The following ZSCAN25 variants were observed in gnomAD, a reference collection of about 807,000 sequenced individuals.
The protein encoded by ZSCAN25 is zinc finger and SCAN domain-containing protein 25.
A neutral mutation model predicts 38.7 loss-of-function variants in ZSCAN25; 27 were observed. That is an observed-to-expected ratio of 0.70 (90% CI 0.51 to 0.96). The LOEUF (loss-of-function observed/expected upper bound fraction) is 0.96, where lower values mean the gene tolerates loss of function less well. Ranked by LOEUF, ZSCAN25 falls within the 40% of genes least tolerant of loss-of-function variation. ZSCAN25 has a pLI of 0.00. For missense variants in ZSCAN25, 637 were observed against 705.9 expected (o/e 0.90, Z 1.11); for synonymous variants, 273 against 277.7 (o/e 0.98, Z 0.17).
chr7:99,624,187 C>CT lies in ZSCAN25; in HGVS notation c.805+8dup, dbSNP rs769320091. On this transcript the variant is annotated splice_region_variant and intron_variant, in intron 7 of 7. Coordinates refer to ENST00000394152, the MANE Select transcript of ZSCAN25 (RefSeq NM_145115.3). The stretch of plus-strand genomic sequence containing the variant: ...GACTGCAGGGTCTCTCCAGGTAAGA[C>CT]TGTCTCCACCCACAGGTGAGGAACT... The CT allele has an allele frequency of 6.8e-6, 11 of 1,613,218 alleles. No individual in the cohort carries two copies. In the Admixed American group the frequency reaches 1.8e-4, roughly 27 times the overall value.
At chr7:99,639,979 AT>A in the ZSCAN25 span, among the ~76,000 whole-genome samples, 1 of 152,124 alleles carries the variant, frequency 6.6e-6, no homozygotes, top group Non-Finnish European at 1.5e-5. Context: ...AGGTGGGAGG[AT>A]TGCTTGAGCC....
chr7:99,673,334 T>C, the ZSCAN25 span, among the ~76,000 whole-genome samples: 1 of 152,208 alleles, frequency 6.6e-6, no homozygotes, highest in Admixed American at 6.5e-5. Context: ...CTGCACCTCA[T>C]CCACTGCTCT....
the ZSCAN25 span, chr7:99,679,863 A>G: frequency 6.2e-7 from 1 of 1,614,152 alleles, no homozygotes; most frequent in South Asian, 1.1e-5. Context: ...AGGAGAAGCC[A>G]GGTTTCCACC....
intron 7 of ZSCAN25, among the ~76,000 whole-genome samples, chr7:99,625,657 TG>T (rs1807405304): frequency 6.6e-6 from 1 of 152,178 alleles, no homozygotes; most frequent in Admixed American, 6.5e-5. Context: ...GCCAGTGTCC[TG>T]GTGCCAGGGT....
At chr7:99,661,211 C>T in the ZSCAN25 span, among the ~76,000 whole-genome samples, 4 of 152,320 alleles carry the variant, frequency 2.6e-5, no homozygotes, top group South Asian at 8.3e-4. Flanking sequence ...AAGTGTGTTT[C>T]ATGGACCAGC....
the ZSCAN25 span, chr7:99,652,380 C>T: frequency 6.8e-5 from 34 of 501,510 alleles, no homozygotes; most frequent in South Asian, 1.1e-3. Context: ...GATGTAGTTT[C>T]GTTTTTTCTA....
chr7:99,718,231 C>G, the ZSCAN25 span, among the ~76,000 whole-genome samples: 1 of 151,994 alleles, frequency 6.6e-6, no homozygotes, highest in Non-Finnish European at 1.5e-5. Flanking sequence ...ATGTAACAAA[C>G]CTGCACGTTG....
intron 3 of ZSCAN25, among the ~76,000 whole-genome samples, chr7:99,619,339 G>T (rs1187631632): frequency 6.6e-6 from 1 of 152,176 alleles, no homozygotes; most frequent in Non-Finnish European, 1.5e-5. Flanking sequence ...TTATTTGTGG[G>T]TATAAAAGCA....
In ZSCAN25 at chr7:99,622,568, G is replaced by A. The variant is rs759540504; in HGVS notation, c.609G>A (p.Ala203=). Residue 203 remains alanine (A), a synonymous_variant, in exon 6 of 8, where the codon GCG becomes GCA. Transcript: ENST00000394152. The part of the protein sequence containing the change: ...FQEQALPVLQ[A]GPGLPAVNPR... ...GCTCAGCACTACCTGTTCTGCAGGC[G>A]GGTCCTGGCCTCCCCGCAGTGAATC... is the stretch of plus-strand genomic sequence containing the variant. 9.3e-6 allele frequency: 15 copies of A among 1,613,984 alleles called. No homozygotes were observed. The highest frequency in any genetic ancestry group is 2.2e-5 in the East Asian group (1 of 44,892).
chr7:99,624,064 G>A lies in ZSCAN25; in HGVS notation c.689G>A (p.Gly230Glu). ...GFFTAGSQGL[G>E]PFKDMALAFP... The stretch of plus-strand genomic sequence containing the variant: ...AATCTCCTATTGTTGCAGGGGTTGG[G>A]GCCATTTAAAGATATGGCCCTGGCC... The change falls in exon 7 of 8, where the codon GGG becomes GAG. Residue 230 changes from glycine to glutamate, a missense_variant. By Grantham distance (98) the Gly-to-Glu change is moderately conservative. Coordinates refer to ENST00000394152, the MANE Select transcript of ZSCAN25 (RefSeq NM_145115.3). 1 of 1,614,140 alleles carries A rather than the reference G, an allele frequency of 6.2e-7. No individual in the cohort carries two copies. Among genetic ancestry groups the A allele is most frequent in the Non-Finnish European group, 8.5e-7 (1 of 1,180,044 alleles).
chr7:99,723,988 C>T, the ZSCAN25 span, among the ~76,000 whole-genome samples: 2 of 152,322 alleles, frequency 1.3e-5, no homozygotes, highest in Non-Finnish European at 2.9e-5. Context: ...TTCACCTTGG[C>T]ACAAGTACCA....
chr7:99,648,578 A>G, the ZSCAN25 span, among the ~76,000 whole-genome samples: 4 of 152,196 alleles, frequency 2.6e-5, no homozygotes. Flanking sequence ...ACTGGATAGT[A>G]AAAGCACTCA....
At chr7:99,708,132 G>A in the ZSCAN25 span, among the ~76,000 whole-genome samples, 22 of 152,182 alleles carry the variant, frequency 1.4e-4, no homozygotes, top group Admixed American at 6.5e-5. Flanking sequence ...ATTTTGCTAT[G>A]AGAATTGTAA....
At chr7:99,696,236 C>CTTTTTTTTTTTTT in the ZSCAN25 span, among the ~76,000 whole-genome samples, 1 of 147,348 alleles carries the variant, frequency 6.8e-6, no homozygotes, top group Non-Finnish European at 1.5e-5. Flanking sequence ...GAAAGGGTGA[C>CTTTTTTTTTTTTT]TTTTTTTTTT....
At chr7:99,657,842 CTTCT>C in the ZSCAN25 span, among the ~76,000 whole-genome samples, 40 of 152,220 alleles carry the variant, frequency 2.6e-4, no homozygotes, top group Non-Finnish European at 5.0e-4. Context: ...ATGTAATGGC[CTTCT>C]TTGTCTCTTT....
chr7:99,733,069 A>C, the ZSCAN25 span, among the ~76,000 whole-genome samples: 1 of 152,228 alleles, frequency 6.6e-6, no homozygotes, highest in Admixed American at 6.5e-5. Context: ...CAGCATAGCC[A>C]GGCCCAATAG....
chr7:99,704,053 A>T, the ZSCAN25 span, among the ~76,000 whole-genome samples: 1 of 152,168 alleles, frequency 6.6e-6, no homozygotes, highest in Non-Finnish European at 1.5e-5. Context: ...ATAGGAAAAG[A>T]AAAGAAATGA....
At chr7:99,621,166 A>G (rs540749239) in intron 4 of ZSCAN25, 1 of 394,048 alleles carries the variant, frequency 2.5e-6, no homozygotes, top group African/African-American at 2.1e-5. Context: ...TGGACAGATA[A>G]AAGTTGCTCA....
the ZSCAN25 span, among the ~76,000 whole-genome samples, chr7:99,732,032 G>A: frequency 2.6e-5 from 4 of 152,128 alleles, no homozygotes; most frequent in Admixed American, 2.0e-4. Flanking sequence ...CTGAATCTGT[G>A]CCCCTACCCA....
Sources: gnomAD v4.1 joint callset for allele counts (sites outside exome capture counted in the v4.1 genomes callset) on GRCh38, gnomAD v4.1.1 for gene constraint, MANE v1.5 for transcripts, NCBI Gene and HGNC (gene_info 2026-07-23, HGNC 2026-07-21) for gene names.